The following CHCHD6 variants were observed in gnomAD, a reference collection of about 807,000 sequenced individuals.
CHCHD6 encodes the protein MICOS complex subunit MIC25.
Under a neutral mutation model 32.3 loss-of-function variants are expected in CHCHD6, and 28 were observed. That is an observed-to-expected ratio of 0.87 (90% CI 0.64 to 1.19). The LOEUF is 1.19. CHCHD6 is among the 50% of genes most tolerant of loss of function. CHCHD6 has a pLI of 0.00. For missense variants in CHCHD6, 333 were observed against 307.0 expected, an observed-to-expected ratio of 1.08 and a Z score of -0.63; for synonymous variants, 122 against 117.5, an observed-to-expected ratio of 1.04 and a Z score of -0.25.
chr3:126,847,079 T>C (rs1055988176), intron 4 of CHCHD6, among the ~76,000 whole-genome samples: 17 of 152,244 alleles, frequency 1.1e-4, no homozygotes, highest in African/African-American at 3.6e-4. Flanking sequence ...TCAGTTCATA[T>C]ATTAGTTAAC....
chr3:126,730,521 G>T, intron 2 of CHCHD6, 40 bp from the exon 3 acceptor site: 1 of 1,574,244 alleles, frequency 6.4e-7, no homozygotes, highest in Non-Finnish European at 8.7e-7. Flanking sequence ...GTGGACCCTG[G>T]GGTGCCACTG....
At chr3:126,949,338 G>A (rs570974845) in intron 6 of CHCHD6, 4 of 218,124 alleles carry the variant, frequency 1.8e-5, no homozygotes, top group Non-Finnish European at 3.7e-5. Context: ...CTACACAGGC[G>A]CCTGCCATGG....
intron 4 of CHCHD6, among the ~76,000 whole-genome samples, chr3:126,797,342 G>A (rs1384651402): frequency 6.6e-6 from 1 of 152,134 alleles, no homozygotes; most frequent in Non-Finnish European, 1.5e-5. Flanking sequence ...GGGGGAGCAG[G>A]GCAAGAAACT....
At position 126,914,715 on chromosome 3, in the gene CHCHD6, C is replaced by G. The variant is rs748303161; in HGVS notation, c.531C>G (p.Phe177Leu). The change falls in exon 6 of 8, where the codon TTC (phenylalanine) becomes TTG (leucine). Residue 177 changes from phenylalanine (F) to leucine (L), a missense_variant. Physicochemically the swap from Phe to Leu is conservative, Grantham distance 22 (BLOSUM62 0). Coordinates refer to ENST00000290913, the MANE Select transcript of CHCHD6 (RefSeq NM_032343.3). ...AEMYKLSSEQ[F>L]HEAASKMEST... is the part of the protein sequence containing the mutation. ...TGTATAAACTGTCTTCAGAGCAATT[C>G]CATGAGGCAGCCTCAAAGATGGAGA... is the stretch of plus-strand genomic sequence containing the variant. 1.3e-6 allele frequency: 2 copies of G among 1,597,084 alleles called. No homozygotes were observed. Among genetic ancestry groups the G allele is most frequent in the Admixed American group, 3.3e-5 (2 of 59,994 alleles).
chr3:126,804,988 C>G (rs1430092928), intron 4 of CHCHD6, among the ~76,000 whole-genome samples: 1 of 151,980 alleles, frequency 6.6e-6, no homozygotes, highest in Non-Finnish European at 1.5e-5. Context: ...AGGCCTTTGA[C>G]AAAATTCAAC....
chr3:126,813,166 G>A (rs1364652530), intron 4 of CHCHD6, among the ~76,000 whole-genome samples: 1 of 152,146 alleles, frequency 6.6e-6, no homozygotes, highest in Non-Finnish European at 1.5e-5. Flanking sequence ...TTTGAGTTCA[G>A]ATCTTCATTT....
chr3:126,836,165 C>A (rs1940853347), intron 4 of CHCHD6, among the ~76,000 whole-genome samples: 1 of 152,264 alleles, frequency 6.6e-6, no homozygotes, highest in Non-Finnish European at 1.5e-5. Flanking sequence ...ACCAGGGCTG[C>A]AAGGCCCTGC....
intron 5 of CHCHD6, among the ~76,000 whole-genome samples, chr3:126,856,448 A>G (rs987677349): frequency 6.6e-6 from 1 of 152,234 alleles, no homozygotes; most frequent in Non-Finnish European, 1.5e-5. Flanking sequence ...CACATGGACC[A>G]GGAAGGTGAG....
chr3:126,905,521 G>A (rs147262101), intron 5 of CHCHD6, among the ~76,000 whole-genome samples: 5 of 139,194 alleles, frequency 3.6e-5, no homozygotes, highest in East Asian at 2.0e-4. Context: ...GAGAGGGCCC[G>A]ATCTCACAGG....
intron 5 of CHCHD6, among the ~76,000 whole-genome samples, chr3:126,886,701 C>T (rs1466847459): frequency 6.6e-6 from 1 of 152,180 alleles, no homozygotes; most frequent in African/African-American, 2.4e-5. Context: ...CCAGAGGAAT[C>T]GAAGGAAGAA....
rs139031156 is a variant in CHCHD6, at chr3:126,856,823, TG to T, written c.495+4097del. Among the ~76,000 whole-genome samples, 1,017 of 152,310 alleles carry T rather than the reference TG, an allele frequency of 6.7e-3. 8 individuals are homozygous for T. The highest frequency in any genetic ancestry group is 0.023 in the African/African-American group (970 of 41,572). ...TAGGGTGGTAGGGATGAGTAGGCTT[TG>T]GGGTCCAGCAGACCTCAGTTTAGTT... On this transcript the variant is annotated intron_variant, in intron 5 of 7. Coordinates refer to ENST00000290913, the MANE Select transcript of CHCHD6 (RefSeq NM_032343.3).
At chr3:126,918,005 GT>G (rs1421238464) in intron 6 of CHCHD6, among the ~76,000 whole-genome samples, 1 of 152,202 alleles carries the variant, frequency 6.6e-6, no homozygotes, top group Non-Finnish European at 1.5e-5. Flanking sequence ...CTAAGATACT[GT>G]TAATAACGGC....
At chr3:126,916,725 T>C (rs1016375466) in intron 6 of CHCHD6, among the ~76,000 whole-genome samples, 1 of 152,236 alleles carries the variant, frequency 6.6e-6, no homozygotes, top group Admixed American at 6.5e-5. Context: ...CATCTGGGGC[T>C]GAGAAATACT....
At chr3:126,744,065 T>C (rs1407709341) in intron 4 of CHCHD6, among the ~76,000 whole-genome samples, 1 of 152,136 alleles carries the variant, frequency 6.6e-6, no homozygotes, top group East Asian at 1.9e-4. Flanking sequence ...CTCTTCTGTG[T>C]GTGGATCAAG....
At chr3:126,890,165 G>A (rs1044647696) in intron 5 of CHCHD6, among the ~76,000 whole-genome samples, 5 of 152,240 alleles carry the variant, frequency 3.3e-5, no homozygotes, top group Admixed American at 6.5e-5. Context: ...TTTCCTGTGC[G>A]GCTGAGAGGA....
chr3:126,865,550 C>G (rs996319763), intron 5 of CHCHD6: 2 of 985,192 alleles, frequency 2.0e-6, no homozygotes. Flanking sequence ...TCCACGTCCA[C>G]TTGCACTTCT....
chr3:126,715,870 A>G (rs1934988251), intron 1 of CHCHD6, among the ~76,000 whole-genome samples: 1 of 152,170 alleles, frequency 6.6e-6, no homozygotes, highest in African/African-American at 2.4e-5. Flanking sequence ...TCCTTTCTGC[A>G]AGTACAAATG....
chr3:126,879,699 A>G (rs1483453069), intron 5 of CHCHD6, among the ~76,000 whole-genome samples: 2 of 152,238 alleles, frequency 1.3e-5, no homozygotes, highest in Non-Finnish European at 2.9e-5. Context: ...AAAATCAGAT[A>G]TAGACTATAT....
chr3:126,794,436 A>G (rs1024745174), intron 4 of CHCHD6, among the ~76,000 whole-genome samples: 1 of 148,704 alleles, frequency 6.7e-6, no homozygotes, highest in Non-Finnish European at 1.5e-5. Context: ...ATATATACAT[A>G]TATGTTTATA....
Sources: allele counts gnomAD v4.1 joint callset (sites outside exome capture counted in the v4.1 genomes callset), GRCh38; gene constraint gnomAD v4.1.1; transcripts MANE v1.5; gene names NCBI Gene and HGNC (gene_info 2026-07-23, HGNC 2026-07-21).